Variants in RAP1B observed in about 807,000 individuals in gnomAD.
The protein encoded by RAP1B is ras-related protein Rap-1b.
In RAP1B, 1 loss-of-function variant was observed where a neutral mutation model predicts 27.5. The ratio of observed to expected loss-of-function variants is 0.04; its 90% confidence interval spans 0.01 to 0.17. The LOEUF (loss-of-function observed/expected upper bound fraction) is 0.17. RAP1B is among the 10% of genes least tolerant of loss of function. The probability of loss-of-function intolerance (pLI) is 1.00; values close to 1 mark genes in which losing one functional copy is unlikely to be tolerated. For missense variants in RAP1B, 84 were observed against 214.8 expected, an observed-to-expected ratio of 0.39 and a Z score of 3.81; for synonymous variants, 75 against 73.1, an observed-to-expected ratio of 1.03 and a Z score of -0.13.
Position 68,666,087 on chromosome 12 carries a change from G to C in RAP1B, c.*6838G>C, listed in dbSNP as rs1319013967. On this transcript the variant is annotated 3_prime_UTR_variant, in exon 8 of 8. Coordinates refer to ENST00000250559, the MANE Select transcript of RAP1B (RefSeq NM_001010942.3). ...AGGCTGGTCTTGAACTCCTGACCTC[G>C]TGATCCATCTGCTTCAGCCTCCCAA... 1.3e-5 allele frequency: 2 copies of C among 152,172 alleles called. No individual in the cohort carries two copies. Among genetic ancestry groups the C allele is most frequent in the African/African-American group, 4.8e-5 (2 of 41,432 alleles). 9.4% of individuals were successfully genotyped at this position (152,172 alleles called of 1,614,324 possible).
intron 1 of RAP1B, 43 bp downstream of exon 1, chr12:68,611,086 G>C (rs894557614): frequency 2.6e-5 from 6 of 226,804 alleles, no homozygotes; most frequent in Non-Finnish European, 5.1e-5. Context: ...AGCCGCGGCG[G>C]CGGCCGCGCG....
chr12:68,616,792 G>A lies in RAP1B; in HGVS notation c.-27+5749G>A, dbSNP rs555307414. Among the ~76,000 whole-genome samples, 100 of 151,800 alleles carry A rather than the reference G, an allele frequency of 6.6e-4. 1 individual carries two copies. Among genetic ancestry groups the A allele is most frequent in the African/African-American group, 2.2e-3 (93 of 41,370 alleles). ...TGTTGCCCAAGCTCACCTCAAACTC[G>A]TGGGCTCAAGGGATCTGCCCATCTT... is the stretch of plus-strand genomic sequence containing the variant. On this transcript the variant is annotated intron_variant, in intron 1 of 7. Transcript: ENST00000250559.
In RAP1B at chr12:68,659,313, A is replaced by G. The variant is rs1442992118; in HGVS notation, c.*64A>G. ...AACTGTTGCCCAATTCAACAGTGCC[A>G]GCATTCCAACTTTGTTAAACCTACC... On this transcript the variant is annotated 3_prime_UTR_variant, in exon 8 of 8. Transcript: ENST00000250559. 1 of 456,752 alleles carries G rather than the reference A, an allele frequency of 2.2e-6. No individual in the cohort carries two copies. Among genetic ancestry groups the G allele is most frequent in the Non-Finnish European group, 4.4e-6 (1 of 226,650 alleles). The allele number at this position is 456,752 out of a possible 1,614,324, so 28.3% of individuals were successfully genotyped here. A position where few individuals can be genotyped will look rare whatever the true frequency, so the allele number is the denominator to read the frequency against.
At chr12:68,656,192 ATTTT>A in intron 5 of RAP1B, 110 bp from the exon 6 acceptor site, 2 of 896,332 alleles carry the variant, frequency 2.2e-6, no homozygotes, top group Non-Finnish European at 3.4e-6. Flanking sequence ...ATTATTTAAT[ATTTT>A]TTGTGGCATA....
intron 2 of RAP1B, chr12:68,649,999 G>T (rs1323535287): frequency 1.3e-5 from 2 of 156,424 alleles, no homozygotes; most frequent in African/African-American, 4.8e-5. Flanking sequence ...TGTAATCCCA[G>T]CTACTCGGGA....
chr12:68,622,945 C>G (rs1210840274), intron 1 of RAP1B, among the ~76,000 whole-genome samples: 2 of 152,170 alleles, frequency 1.3e-5, no homozygotes, highest in African/African-American at 4.8e-5. Context: ...CAAGGATCTT[C>G]CTGCCTCAGA....
intron 1 of RAP1B, among the ~76,000 whole-genome samples, chr12:68,620,615 T>G (rs1355786465): frequency 2.6e-5 from 4 of 151,876 alleles, no homozygotes; most frequent in Non-Finnish European, 5.9e-5. Context: ...TCTTTTTTTT[T>G]TTTTTGAGAC....
In RAP1B at chr12:68,661,639, C is replaced by G. The variant is rs1470357603; in HGVS notation, c.*2390C>G. On this transcript the variant is annotated 3_prime_UTR_variant, in exon 8 of 8. Transcript: ENST00000250559. ...ATCTGCCCACTAGATGCCAGTCACA[C>G]CACCCCAGCCCCCAAGTTGTGGCAA... 6.6e-6 allele frequency: 1 copy of G among 151,864 alleles called. No homozygotes were observed. The highest frequency in any genetic ancestry group is 1.5e-5 in the Non-Finnish European group (1 of 67,994). The allele number at this position is 151,864 out of a possible 1,614,324, so 9.4% of individuals were successfully genotyped here.
chr12:68,626,705 C>T (rs7957911), intron 1 of RAP1B, among the ~76,000 whole-genome samples: 5,893 of 151,594 alleles, frequency 0.039, 387 homozygotes, highest in African/African-American at 0.13. Context: ...AGTAGACAGC[C>T]CCTAATATTT....
In RAP1B at chr12:68,611,035, G is replaced by A. The variant is rs1037035807; in HGVS notation, c.-35G>A. The A allele has an allele frequency of 9.9e-6, 3 of 304,510 alleles. No individual in the cohort carries two copies. The highest frequency in any genetic ancestry group is 1.2e-5 in the Non-Finnish European group (2 of 165,178). 18.9% of individuals were successfully genotyped at this position (304,510 alleles called of 1,614,324 possible). On this transcript the variant is annotated 5_prime_UTR_variant, in exon 1 of 8. Transcript: ENST00000250559. Reference sequence around the variant, plus strand: ...CGCTGGCTGCAGGGACCCGGTGACAGCGTGAGAGGTTCGCAGAGTGAGTGC... The same window carrying A: ...CGCTGGCTGCAGGGACCCGGTGACAACGTGAGAGGTTCGCAGAGTGAGTGC...
intron 1 of RAP1B, chr12:68,627,204 A>C (rs1310304225): frequency 2.0e-6 from 3 of 1,519,314 alleles, no homozygotes; most frequent in Non-Finnish European, 2.7e-6. Flanking sequence ...GGGTAGTGCA[A>C]GGTCAGAAAC....
intron 1 of RAP1B, among the ~76,000 whole-genome samples, chr12:68,635,283 C>G (rs538028931): frequency 6.6e-6 from 1 of 152,166 alleles, no homozygotes; most frequent in Admixed American, 6.5e-5. Flanking sequence ...CATAACAGGT[C>G]CTTCTGACAG....
intron 1 of RAP1B, among the ~76,000 whole-genome samples, chr12:68,628,157 C>T (rs1481857437): frequency 1.3e-5 from 2 of 152,124 alleles, no homozygotes; most frequent in Non-Finnish European, 2.9e-5. Context: ...GCCTCCCTTG[C>T]AGCTAGGGCA....
chr12:68,642,740 T>G, intron 1 of RAP1B: 1 of 1,073,150 alleles, frequency 9.3e-7, no homozygotes, highest in East Asian at 2.4e-5. Context: ...CTGCGCAGTA[T>G]ATTTATCCTC....
chr12:68,631,767 G>A (rs1361354135), intron 1 of RAP1B, among the ~76,000 whole-genome samples: 2 of 151,532 alleles, frequency 1.3e-5, no homozygotes, highest in African/African-American at 2.4e-5. Context: ...ATAGTATTTT[G>A]TACATCTCAT....
intron 1 of RAP1B, among the ~76,000 whole-genome samples, chr12:68,626,410 C>G (rs982068517): frequency 1.3e-5 from 2 of 152,138 alleles, no homozygotes; most frequent in African/African-American, 4.8e-5. Context: ...GTTGTAGTTA[C>G]TTTGCAACCT....
intron 1 of RAP1B, among the ~76,000 whole-genome samples, chr12:68,625,716 C>G (rs1046552684): frequency 2.0e-5 from 3 of 152,008 alleles, no homozygotes; most frequent in African/African-American, 7.2e-5. Flanking sequence ...GTCGAGAGAT[C>G]GATACCATCC....
intron 1 of RAP1B, among the ~76,000 whole-genome samples, chr12:68,642,124 A>G (rs1356461577): frequency 6.6e-6 from 1 of 152,234 alleles, no homozygotes; most frequent in Non-Finnish European, 1.5e-5. Flanking sequence ...TAATTCATAG[A>G]CTAAAGATGA....
chr12:68,649,461 G>A (rs776354127), intron 2 of RAP1B: 2 of 152,110 alleles, frequency 1.3e-5, no homozygotes, highest in Admixed American at 6.6e-5. Flanking sequence ...TTAACGGCAC[G>A]TTTTCTGCAT....
Sources: gnomAD v4.1 joint callset for allele counts (sites outside exome capture counted in the v4.1 genomes callset) on GRCh38, gnomAD v4.1.1 for gene constraint, MANE v1.5 for transcripts, NCBI Gene and HGNC (gene_info 2026-07-23, HGNC 2026-07-21) for gene names.